Variants in RNF138 observed in about 807,000 individuals in gnomAD.
RNF138 encodes the protein E3 ubiquitin-protein ligase RNF138.
RNF138 carries 12 observed loss-of-function variants against 31.0 expected under a neutral mutation model. The ratio of observed to expected loss-of-function variants is 0.39; its 90% confidence interval spans 0.25 to 0.63. The LOEUF is 0.63. Among genes scored for constraint, RNF138 ranks in the 20% least tolerant of loss-of-function variants. RNF138 has a pLI of 0.52. For missense variants in RNF138, 192 were observed against 300.1 expected (o/e 0.64, Z 2.66); for synonymous variants, 105 against 99.5 (o/e 1.06, Z -0.33).
intron 4 of RNF138, among the ~76,000 whole-genome samples, chr18:32,118,761 C>T (rs1312041204): frequency 2.6e-5 from 4 of 151,944 alleles, no homozygotes; most frequent in Non-Finnish European, 4.4e-5. Context: ...CCCGGGAGGC[C>T]AAGGTTGCAG....
chr18:32,094,359 A>G (rs969645022), intron 2 of RNF138, among the ~76,000 whole-genome samples: 3 of 151,902 alleles, frequency 2.0e-5, no homozygotes, highest in Admixed American at 6.6e-5. Context: ...CTTTATTTCT[A>G]TTTTGTGCTG....
Position 32,092,710 on chromosome 18 carries a change from C to T in RNF138, c.-67C>T. 1 of 987,094 alleles carries T rather than the reference C, an allele frequency of 1.0e-6. No homozygotes were observed. Among genetic ancestry groups the T allele is most frequent in the Non-Finnish European group, 1.5e-6 (1 of 647,004 alleles). 61.1% of individuals were successfully genotyped at this position (987,094 alleles called of 1,614,324 possible). On this transcript the variant is annotated 5_prime_UTR_variant, in exon 2 of 8. Coordinates refer to ENST00000261593, the MANE Select transcript of RNF138 (RefSeq NM_016271.5). ...TCCGGGTTCATGTAGGGAGTCGGGC[C>T]CCGGGCCGCCACCGTCACCTCGGCC...
chr18:32,092,742 G>T lies in RNF138; in HGVS notation c.-35G>T. The T allele has an allele frequency of 7.1e-7, 1 of 1,402,262 alleles. No homozygotes were observed. The highest frequency in any genetic ancestry group is 9.8e-7 in the Non-Finnish European group (1 of 1,021,862). 86.9% of individuals were successfully genotyped at this position (1,402,262 alleles called of 1,614,324 possible). ...CGCCACCGTCACCTCGGCCGCTGCC[G>T]CTGTCGCCATCGCCTTGTTTCCCCA... is the stretch of plus-strand genomic sequence containing the variant. On this transcript the variant is annotated 5_prime_UTR_variant, in exon 2 of 8. Coordinates refer to ENST00000261593, the MANE Select transcript of RNF138 (RefSeq NM_016271.5).
chr18:32,092,745 G>A lies in RNF138; in HGVS notation c.-32G>A. On this transcript the variant is annotated 5_prime_UTR_variant, in exon 2 of 8. Transcript: ENST00000261593. ...CACCGTCACCTCGGCCGCTGCCGCTGTCGCCATCGCCTTGTTTCCCCATCC... is the reference window on the plus strand; with the variant it reads ...CACCGTCACCTCGGCCGCTGCCGCTATCGCCATCGCCTTGTTTCCCCATCC... 7.0e-7 allele frequency: 1 copy of A among 1,430,286 alleles called. No individual in the cohort carries two copies. Among genetic ancestry groups the A allele is most frequent in the Admixed American group, 2.0e-5 (1 of 51,132 alleles). The allele number at this position is 1,430,286 out of a possible 1,614,324, so 88.6% of individuals were successfully genotyped here.
chr18:32,109,051 G>A (rs899215159), intron 2 of RNF138, among the ~76,000 whole-genome samples: 15 of 152,086 alleles, frequency 9.9e-5, no homozygotes, highest in African/African-American at 3.6e-4. Flanking sequence ...TTTCCAAATG[G>A]TTGTAAAAGT....
At chr18:32,115,311 C>G (rs2040196997) in intron 4 of RNF138, among the ~76,000 whole-genome samples, 1 of 152,174 alleles carries the variant, frequency 6.6e-6, no homozygotes, top group Non-Finnish European at 1.5e-5. Flanking sequence ...CTCATCTGTA[C>G]TTTTATTTTA....
At position 32,130,955 on chromosome 18, in the gene RNF138, AACTTTCATAGTT is replaced by A. The variant is rs1458642847; in HGVS notation, c.*1769_*1780del. ...ATAGTGTTTTCCAGTTTAAAGCAAT[AACTTTCATAGTT>A]TCTTTCAAAGTTTAATACATCCAAT... On this transcript the variant is annotated 3_prime_UTR_variant, in exon 8 of 8. Coordinates refer to ENST00000261593, the MANE Select transcript of RNF138 (RefSeq NM_016271.5). 6.6e-6 allele frequency: 1 copy of A among 152,464 alleles called. No homozygotes were observed. Among genetic ancestry groups the A allele is most frequent in the East Asian group, 1.9e-4 (1 of 5,200 alleles). The allele number at this position is 152,464 out of a possible 1,614,324, so 9.4% of individuals were successfully genotyped here. A position where few individuals can be genotyped will look rare whatever the true frequency, so the allele number is the denominator to read the frequency against.
chr18:32,108,421 G>A (rs2040072596), intron 2 of RNF138, among the ~76,000 whole-genome samples: 1 of 152,074 alleles, frequency 6.6e-6, no homozygotes, highest in Non-Finnish European at 1.5e-5. Context: ...GAATCGTGCA[G>A]TTTGTACTCT....
intron 2 of RNF138, among the ~76,000 whole-genome samples, chr18:32,102,285 T>C (rs2039956645): frequency 7.5e-6 from 1 of 132,918 alleles, no homozygotes; most frequent in Non-Finnish European, 1.5e-5. Context: ...CACTGCAAGC[T>C]CCACCTCCCA....
At chr18:32,123,159 C>T (rs141836146) in intron 4 of RNF138, among the ~76,000 whole-genome samples, 176 of 152,080 alleles carry the variant, frequency 1.2e-3, no homozygotes, top group Middle Eastern at 0.01. Context: ...TTGAGTCTAC[C>T]GTAGCATTTA....
chr18:32,120,611 T>G (rs912529272), intron 4 of RNF138, among the ~76,000 whole-genome samples: 1 of 152,170 alleles, frequency 6.6e-6, no homozygotes, highest in Non-Finnish European at 1.5e-5. Context: ...CTGGGCTAAA[T>G]GAGCAGGCAT....
intron 4 of RNF138, among the ~76,000 whole-genome samples, chr18:32,120,168 T>C (rs2040280507): frequency 1.3e-5 from 2 of 152,200 alleles, no homozygotes; most frequent in South Asian, 4.1e-4. Flanking sequence ...ATAAGTATAA[T>C]ATTTACTATA....
intron 2 of RNF138, among the ~76,000 whole-genome samples, chr18:32,094,917 T>C (rs1280279946): frequency 1.3e-5 from 2 of 150,312 alleles, no homozygotes; most frequent in Non-Finnish European, 3.0e-5. Flanking sequence ...TCCGCTTCCC[T>C]TGTGGGACAT....
intron 6 of RNF138, among the ~76,000 whole-genome samples, chr18:32,125,983 TCATTTCTG>T (rs1342876432): frequency 2.6e-5 from 4 of 152,256 alleles, no homozygotes; most frequent in African/African-American, 9.6e-5. Flanking sequence ...AAATTTTTAT[TCATTTCTG>T]CATAATATTC....
intron 4 of RNF138, among the ~76,000 whole-genome samples, chr18:32,114,252 T>TA (rs1276746308): frequency 1.3e-5 from 2 of 152,180 alleles, no homozygotes; most frequent in Non-Finnish European, 2.9e-5. Context: ...GGGATAGACT[T>TA]AGAGTTTGAA....
At chr18:32,114,456 A>AT (rs1191475947) in intron 4 of RNF138, among the ~76,000 whole-genome samples, 1 of 152,218 alleles carries the variant, frequency 6.6e-6, no homozygotes, top group Non-Finnish European at 1.5e-5. Flanking sequence ...AAAAATAATG[A>AT]TTAACATCCA....
intron 2 of RNF138, among the ~76,000 whole-genome samples, chr18:32,108,106 C>T (rs1598852886): frequency 6.6e-6 from 1 of 152,212 alleles, no homozygotes; most frequent in African/African-American, 2.4e-5. Flanking sequence ...CCACCCGCCT[C>T]GGCTCCTCAA....
At chr18:32,121,137 A>G (rs375703068) in intron 4 of RNF138, among the ~76,000 whole-genome samples, 4,309 of 117,118 alleles carry the variant, frequency 0.037, 225 homozygotes, top group African/African-American at 0.12. Flanking sequence ...CTGTCTCAAA[A>G]AAAAACAAAA....
intron 2 of RNF138, among the ~76,000 whole-genome samples, chr18:32,107,696 A>G (rs1000841869): frequency 7.0e-6 from 1 of 143,702 alleles, no homozygotes; most frequent in South Asian, 2.2e-4. Context: ...AATTTTTTGT[A>G]TTAGTCAAGA....
Sources: allele counts gnomAD v4.1 joint callset (sites outside exome capture counted in the v4.1 genomes callset), GRCh38; gene constraint gnomAD v4.1.1; transcripts MANE v1.5; gene names NCBI Gene and HGNC (gene_info 2026-07-23, HGNC 2026-07-21).